DNAL1: variants seen among roughly 807,000 people sequenced by gnomAD.
The protein encoded by DNAL1 is chromosome 14 open reading frame 168.
Under a neutral mutation model 29.4 loss-of-function variants are expected in DNAL1, and 17 were observed. The observed-to-expected ratio is 0.58, with a 90% confidence interval of 0.40 to 0.87. The LOEUF (loss-of-function observed/expected upper bound fraction) is 0.87, where lower values mean the gene tolerates loss of function less well. DNAL1 is among the 40% of genes least tolerant of loss of function. The probability of loss-of-function intolerance (pLI) is 0.00; values close to 1 mark genes in which losing one functional copy is unlikely to be tolerated. For missense variants in DNAL1, 188 were observed against 214.1 expected, an observed-to-expected ratio of 0.88 and a Z score of 0.76; for synonymous variants, 78 against 76.3, an observed-to-expected ratio of 1.02 and a Z score of -0.12.
intron 1 of DNAL1, among the ~76,000 whole-genome samples, chr14:73,647,816 T>G (rs1163696681): frequency 2.6e-5 from 4 of 152,240 alleles, no homozygotes; most frequent in African/African-American, 9.6e-5. Flanking sequence ...TACTTTTTTA[T>G]GGACCCATGC....
chr14:73,654,450 C>G (rs975002339), intron 1 of DNAL1, among the ~76,000 whole-genome samples: 1 of 152,114 alleles, frequency 6.6e-6, no homozygotes, highest in Non-Finnish European at 1.5e-5. Flanking sequence ...AGTTAATCAA[C>G]AAATTACACC....
intron 4 of DNAL1, among the ~76,000 whole-genome samples, chr14:73,665,743 A>G (rs958822314): frequency 2.0e-5 from 3 of 151,846 alleles, no homozygotes; most frequent in Non-Finnish European, 4.4e-5. Context: ...GTGAGCTGAG[A>G]TCACGCTACT....
intron 1 of DNAL1, among the ~76,000 whole-genome samples, chr14:73,652,191 C>T (rs1465049352): frequency 1.3e-5 from 2 of 152,052 alleles, no homozygotes; most frequent in Non-Finnish European, 2.9e-5. Context: ...GTAGCTGTAA[C>T]TACAGGTGCC....
chr14:73,653,802 G>A lies in DNAL1; in HGVS notation c.4-1045G>A, dbSNP rs116692697. ...GTTCTTTTTTAAAAAAAGAGCACCAGCAGTAATTCATTAAGGATATCTTCC... is the reference window on the plus strand; with the variant it reads ...GTTCTTTTTTAAAAAAAGAGCACCAACAGTAATTCATTAAGGATATCTTCC... On this transcript the variant is annotated intron_variant, in intron 1 of 7. Coordinates refer to ENST00000553645, the MANE Select transcript of DNAL1 (RefSeq NM_031427.4). Among the ~76,000 whole-genome samples, 567 of 152,230 alleles carry A rather than the reference G, an allele frequency of 3.7e-3. 2 individuals carry two copies. Among genetic ancestry groups the A allele is most frequent in the African/African-American group, 0.013 (547 of 41,544 alleles).
At chr14:73,677,773 G>A (rs1390826251) in intron 5 of DNAL1, among the ~76,000 whole-genome samples, 1 of 150,770 alleles carries the variant, frequency 6.6e-6, no homozygotes, top group African/African-American at 2.4e-5. Context: ...TAGCCAGGAT[G>A]GTCTCGATCT....
At chr14:73,679,862 A>T (rs1011350384) in intron 5 of DNAL1, among the ~76,000 whole-genome samples, 3 of 150,192 alleles carry the variant, frequency 2.0e-5, no homozygotes, top group Non-Finnish European at 4.4e-5. Flanking sequence ...ATGTGTCATG[A>T]GGCGCAGGTA....
At chr14:73,680,628 A>C (rs1891852868) in intron 5 of DNAL1, among the ~76,000 whole-genome samples, 1 of 151,964 alleles carries the variant, frequency 6.6e-6, no homozygotes, top group African/African-American at 2.4e-5. Flanking sequence ...CAATCACTCA[A>C]ACATTATTTA....
chr14:73,684,556 T>G (rs190526868), intron 5 of DNAL1, among the ~76,000 whole-genome samples: 18 of 152,292 alleles, frequency 1.2e-4, no homozygotes, highest in Admixed American at 3.3e-4. Flanking sequence ...ATTCATTACT[T>G]TATACAGAGC....
At chr14:73,662,245 TA>T (rs1365148422) in intron 4 of DNAL1, among the ~76,000 whole-genome samples, 1 of 152,252 alleles carries the variant, frequency 6.6e-6, no homozygotes, top group Non-Finnish European at 1.5e-5. Flanking sequence ...TAAAGACATT[TA>T]AAAGCTTTTA....
chr14:73,678,511 C>CTTTT (rs11379191), intron 5 of DNAL1, among the ~76,000 whole-genome samples: 9 of 118,156 alleles, frequency 7.6e-5, no homozygotes, highest in African/African-American at 1.3e-4. Flanking sequence ...AGCAGGTATT[C>CTTTT]TTTTTTTTTT....
intron 1 of DNAL1, among the ~76,000 whole-genome samples, chr14:73,652,127 C>A (rs1438596266): frequency 6.6e-6 from 1 of 152,116 alleles, no homozygotes; most frequent in African/African-American, 2.4e-5. Flanking sequence ...CCCTGACCTC[C>A]CGGGCTCTAG....
intron 1 of DNAL1, among the ~76,000 whole-genome samples, chr14:73,650,882 T>C (rs1042709154): frequency 3.9e-5 from 6 of 152,184 alleles, no homozygotes; most frequent in African/African-American, 1.4e-4. Context: ...GCTCCAGCAG[T>C]CCTTCTGCCT....
chr14:73,695,866 G>T (rs199557102), intron 7 of DNAL1, 36 bp from the exon 8 acceptor site: 3 of 1,521,322 alleles, frequency 2.0e-6, no homozygotes, highest in East Asian at 2.4e-5. Flanking sequence ...GCAATTTTTT[G>T]AGAATAACCA....
At chr14:73,669,112 T>G (rs570613333) in intron 4 of DNAL1, among the ~76,000 whole-genome samples, 20 of 152,306 alleles carry the variant, frequency 1.3e-4, no homozygotes, top group Admixed American at 1.1e-3. Flanking sequence ...TATTTTTTTT[T>G]AAGTGTCCAA....
At chr14:73,649,322 G>T (rs1477320536) in intron 1 of DNAL1, among the ~76,000 whole-genome samples, 1 of 149,296 alleles carries the variant, frequency 6.7e-6, no homozygotes, top group African/African-American at 2.5e-5. Flanking sequence ...TCGCTCTGTC[G>T]CCAGGGCTGG....
chr14:73,648,403 C>CATATATATATAT (rs149075024), intron 1 of DNAL1, among the ~76,000 whole-genome samples: 22,483 of 86,566 alleles, frequency 0.26, 5,083 homozygotes, highest in East Asian at 0.72. Context: ...CACCTCATTT[C>CATATATATATAT]ATATATATAT....
intron 1 of DNAL1, chr14:73,651,333 T>C (rs1891110170): frequency 6.6e-6 from 1 of 152,130 alleles, no homozygotes; most frequent in African/African-American, 2.4e-5. Flanking sequence ...GAAAAGTAAA[T>C]TGGGCTCCTT....
Position 73,696,260 on chromosome 14 carries a change from G to T in DNAL1, c.*318G>T. 2 of 191,026 alleles carry T rather than the reference G, an allele frequency of 1.0e-5. No individual in the cohort carries two copies. The highest frequency in any genetic ancestry group is 1.1e-5 in the Non-Finnish European group (1 of 94,084). The allele number at this position is 191,026 out of a possible 1,614,324, so 11.8% of individuals were successfully genotyped here. ...TAGACCAGTCATTTTTAATAACAAA[G>T]GAACAAATGTTTTTTTCAGTTTGTT... On this transcript the variant is annotated 3_prime_UTR_variant, in exon 8 of 8. Coordinates refer to ENST00000553645, the MANE Select transcript of DNAL1 (RefSeq NM_031427.4).
chr14:73,654,100 T>G (rs995123058), intron 1 of DNAL1, among the ~76,000 whole-genome samples: 5 of 152,202 alleles, frequency 3.3e-5, no homozygotes, highest in Non-Finnish European at 7.3e-5. Flanking sequence ...GTTAATATTT[T>G]TCTAAAATTT....
Sources: gnomAD v4.1 joint callset for allele counts (sites outside exome capture counted in the v4.1 genomes callset) on GRCh38, gnomAD v4.1.1 for gene constraint, MANE v1.5 for transcripts, NCBI Gene and HGNC (gene_info 2026-07-23, HGNC 2026-07-21) for gene names.